The following PAQR3 variants were observed in gnomAD, a reference collection of about 807,000 sequenced individuals.
PAQR3 encodes the protein Raf kinase trapping to Golgi.
PAQR3 carries 39 observed loss-of-function variants against 41.7 expected under a neutral mutation model. The observed-to-expected ratio is 0.93, with a 90% CI of 0.72 to 1.22. The LOEUF is 1.22. PAQR3 is among the 50% of genes most tolerant of loss of function. The pLI is 0.00. For synonymous variants in PAQR3, 140 were observed against 140.6 expected, an observed-to-expected ratio of 1.00 and a Z score of 0.03; for missense variants, 366 against 385.6, an observed-to-expected ratio of 0.95 and a Z score of 0.42.
At chr4:78,920,728 C>A in intron 5 of PAQR3, 47 bp from the exon 6 acceptor site, 1 of 1,552,516 alleles carries the variant, frequency 6.4e-7, no homozygotes, top group South Asian at 1.2e-5. Flanking sequence ...AATATGTTGA[C>A]ATTAAAGGAA....
At position 78,915,519 on chromosome 4, in the gene PAQR3, G is replaced by C. The variant is rs1420444435; in HGVS notation, c.*5020C>G. 2.0e-5 allele frequency: 3 copies of C among 151,540 alleles called. No homozygotes were observed. The highest frequency in any genetic ancestry group is 4.4e-5 in the Non-Finnish European group (3 of 67,780). 9.4% of individuals were successfully genotyped at this position (151,540 alleles called of 1,614,324 possible). ...TTATTTTAGGTCCAATTATTGAGTTGACAGTCTACTGTGAGAATGAGATGA... is the reference window on the plus strand; with the variant it reads ...TTATTTTAGGTCCAATTATTGAGTTCACAGTCTACTGTGAGAATGAGATGA... On this transcript the variant is annotated 3_prime_UTR_variant, in exon 6 of 6. Coordinates refer to ENST00000512733, the MANE Select transcript of PAQR3 (RefSeq NM_001040202.2).
intron 2 of PAQR3, among the ~76,000 whole-genome samples, chr4:78,932,819 T>C (rs1480047579): frequency 6.6e-6 from 1 of 152,070 alleles, no homozygotes; most frequent in Non-Finnish European, 1.5e-5. Context: ...ATGCCCTGTT[T>C]AAGAAGGAAT....
At chr4:78,911,364 C>G, downstream of PAQR3, 2 of 1,613,294 alleles carry the variant, frequency 1.2e-6, no homozygotes, top group Non-Finnish European at 1.7e-6. Context: ...CATTTCAGCC[C>G]TTCCTCACAT....
chr4:78,898,400 C>A (rs529566605), intron 11 of PAQR3, among the ~76,000 whole-genome samples: 121 of 151,774 alleles, frequency 8.0e-4, no homozygotes, highest in East Asian at 7.8e-4. Flanking sequence ...GTGTATGATT[C>A]TTGAAGAACT....
intron 5 of PAQR3, chr4:78,922,712 T>A (rs1335966334): frequency 2.8e-6 from 1 of 359,970 alleles, no homozygotes; most frequent in Non-Finnish European, 5.5e-6. Flanking sequence ...CTAACCCTCA[T>A]TAAACTGTGT....
At chr4:78,924,003 T>G (rs1735937912) in intron 4 of PAQR3, 56 bp from the exon 5 acceptor site, 3 of 1,253,892 alleles carry the variant, frequency 2.4e-6, no homozygotes, top group Middle Eastern at 1.9e-4. Context: ...GAACTCTAAA[T>G]TTATTATGAA....
intron 11 of PAQR3, among the ~76,000 whole-genome samples, chr4:78,888,888 T>C: frequency 6.6e-6 from 1 of 152,146 alleles, no homozygotes. Flanking sequence ...TCTATAAAAA[T>C]TCATATTCCT....
intron 1 of PAQR3, 81 bp downstream of exon 1, chr4:78,938,959 G>T: frequency 7.4e-7 from 1 of 1,344,122 alleles, no homozygotes; most frequent in South Asian, 1.4e-5. Flanking sequence ...GCAGAAAGGC[G>T]GGGAAAGCAG....
chr4:78,936,499 C>T (rs775288959), intron 1 of PAQR3, among the ~76,000 whole-genome samples: 7 of 152,120 alleles, frequency 4.6e-5, no homozygotes, highest in African/African-American at 1.4e-4. Context: ...TTTAGTTATA[C>T]GTCAACGCTT....
Position 78,912,625 on chromosome 4 carries a change from A to G in PAQR3, c.*7914T>C, listed in dbSNP as rs765157413. 9 of 152,242 alleles carry G rather than the reference A, an allele frequency of 5.9e-5. No individual in the cohort carries two copies. Among genetic ancestry groups the G allele is most frequent in the Non-Finnish European group, 1.3e-4 (9 of 68,064 alleles). The allele number at this position is 152,242 out of a possible 1,614,324, so 9.4% of individuals were successfully genotyped here. A position where few individuals can be genotyped will look rare whatever the true frequency, so the allele number is the denominator to read the frequency against. On this transcript the variant is annotated 3_prime_UTR_variant, in exon 6 of 6. Transcript: ENST00000512733. Reference sequence around the variant, plus strand: ...CTAAAACTCTGTTTCATTTTTAAAAACAAGTGCCATTAAAATGGAATATCT... The same window carrying G: ...CTAAAACTCTGTTTCATTTTTAAAAGCAAGTGCCATTAAAATGGAATATCT...
In PAQR3 at chr4:78,923,925, A is replaced by G. The variant is rs1157732618; in HGVS notation, c.725T>C (p.Val242Ala). ...AGCAAGAAGAGCAATCATATACATC[A>G]CAATTACACGGGGTGCAAAGTCCTG... Reference protein sequence around the residue: ...IVQDFAPRVIVMYMIALLAFL... With the variant: ...IVQDFAPRVIAMYMIALLAFL... The change falls in exon 5 of 6, where the codon GTG becomes GCG. Residue 242 changes from valine to alanine, a missense_variant. By Grantham distance (64) the Val-to-Ala change is moderately conservative. Coordinates refer to ENST00000512733, the MANE Select transcript of PAQR3 (RefSeq NM_001040202.2). The G allele has an allele frequency of 2.5e-6, 4 of 1,613,266 alleles. No individual in the cohort carries two copies. Among genetic ancestry groups the G allele is most frequent in the Non-Finnish European group, 2.5e-6 (3 of 1,179,362 alleles).
chr4:78,926,677 G>C lies in PAQR3; in HGVS notation c.546C>G (p.Ile182Met), dbSNP rs746906504. ...GAATCTGCGCAAAGAACACTGCCAG[G>C]ATCATAGCAAGCACTGTGATCAAGT... ...QVYLITVLAM[I>M]LAVFFAQIHP... Residue 182 changes from isoleucine (I) to methionine (M), a missense_variant, in exon 4 of 6, where the codon ATC becomes ATG. Transcript: ENST00000512733. 3 of 1,613,996 alleles carry C rather than the reference G, an allele frequency of 1.9e-6. No individual in the cohort carries two copies. Among genetic ancestry groups the C allele is most frequent in the Admixed American group, 3.3e-5 (2 of 60,008 alleles).
Position 78,917,984 on chromosome 4 carries a change from GC to G in PAQR3, c.*2554del. The G allele has an allele frequency of 2.0e-6, 2 of 983,788 alleles. No individual in the cohort carries two copies. The highest frequency in any genetic ancestry group is 2.4e-6 in the Non-Finnish European group (2 of 828,152). The allele number at this position is 983,788 out of a possible 1,614,324, so 60.9% of individuals were successfully genotyped here. On this transcript the variant is annotated 3_prime_UTR_variant, in exon 6 of 6. Coordinates refer to ENST00000512733, the MANE Select transcript of PAQR3 (RefSeq NM_001040202.2). ...ATTTACATAATACATATTTTGTCAT[GC>G]AGCTTACTGAATTGCAGTTAGTGTA...
At chr4:78,936,273 T>A (rs906345525) in intron 1 of PAQR3, among the ~76,000 whole-genome samples, 1 of 152,258 alleles carries the variant, frequency 6.6e-6, no homozygotes, top group Admixed American at 6.5e-5. Context: ...TGCATTTGTC[T>A]GCAAAATCTC....
At position 78,923,936 on chromosome 4, in the gene PAQR3, G is replaced by A; in HGVS notation, c.714C>T (p.Pro238=). ...IGAPIVQDFA[P]RVIVMYMIAL... ...CAATCATATACATCACAATTACACG[G>A]GGTGCAAAGTCCTGAAAAGCAGAAC... Residue 238 remains proline (P), a synonymous_variant, in exon 5 of 6, where the codon CCC becomes CCT. Coordinates refer to ENST00000512733, the MANE Select transcript of PAQR3 (RefSeq NM_001040202.2). The A allele has an allele frequency of 6.2e-7, 1 of 1,612,654 alleles. No individual in the cohort carries two copies. Among genetic ancestry groups the A allele is most frequent in the Non-Finnish European group, 8.5e-7 (1 of 1,178,968 alleles).
intron 11 of PAQR3, among the ~76,000 whole-genome samples, chr4:78,897,405 A>T (rs942497635): frequency 6.6e-6 from 1 of 152,126 alleles, no homozygotes; most frequent in Non-Finnish European, 1.5e-5. Flanking sequence ...GGAAGTGAAG[A>T]TTATGTAGCA....
intron 5 of PAQR3, chr4:78,921,716 T>C (rs1735679868): frequency 2.0e-6 from 2 of 984,796 alleles, no homozygotes; most frequent in Non-Finnish European, 2.4e-6. Flanking sequence ...TGAAAGCTTT[T>C]AGTTTAAAAT....
chr4:78,922,241 C>T (rs1409485366), intron 5 of PAQR3: 1 of 1,215,050 alleles, frequency 8.2e-7, no homozygotes, highest in East Asian at 5.7e-5. Flanking sequence ...GTTTACAACG[C>T]AGGTTTTCCC....
intron 5 of PAQR3, chr4:78,922,376 G>T: frequency 7.8e-7 from 1 of 1,288,594 alleles, no homozygotes. Context: ...CCCAACACAC[G>T]TGACGAGTGG....
Sources: allele counts gnomAD v4.1 joint callset (sites outside exome capture counted in the v4.1 genomes callset), GRCh38; gene constraint gnomAD v4.1.1; transcripts MANE v1.5; gene names NCBI Gene and HGNC (gene_info 2026-07-23, HGNC 2026-07-21).